GABRB1: variants seen among roughly 807,000 people sequenced by gnomAD.
GABRB1 encodes gamma-aminobutyric acid receptor subunit beta-1.
Under a neutral mutation model 51.6 loss-of-function variants are expected in GABRB1, and 17 were observed. The observed-to-expected ratio is 0.33, with a 90% confidence interval of 0.23 to 0.49. The LOEUF (loss-of-function observed/expected upper bound fraction) is 0.49, where lower values mean the gene tolerates loss of function less well. GABRB1 is among the 20% of genes least tolerant of loss of function. The pLI, the probability that GABRB1 is intolerant of heterozygous loss-of-function variation, is 0.99. For missense variants in GABRB1, 410 were observed against 600.6 expected, an observed-to-expected ratio of 0.68 and a Z score of 3.32; for synonymous variants, 247 against 218.9, an observed-to-expected ratio of 1.13 and a Z score of -1.14.
At chr4:47,054,301 TG>T (rs1726492613) in intron 3 of GABRB1, among the ~76,000 whole-genome samples, 2 of 152,168 alleles carry the variant, frequency 1.3e-5, no homozygotes, top group African/African-American at 4.8e-5. Context: ...GGTACTTCAG[TG>T]GAAAGAGCCC....
intron 5 of GABRB1, among the ~76,000 whole-genome samples, chr4:47,360,672 AT>A (rs770332174): frequency 2.0e-5 from 3 of 152,096 alleles, no homozygotes; most frequent in Non-Finnish European, 2.9e-5. Flanking sequence ...TAAAATCTCT[AT>A]TATTACAATG....
chr4:47,194,798 A>T (rs1258282932), intron 4 of GABRB1, among the ~76,000 whole-genome samples: 2 of 152,214 alleles, frequency 1.3e-5, no homozygotes, highest in African/African-American at 2.4e-5. Flanking sequence ...TCTTAAAAAA[A>T]CATAGTGTAC....
intron 5 of GABRB1, among the ~76,000 whole-genome samples, chr4:47,342,129 G>A (rs1560341923): frequency 6.6e-6 from 1 of 152,126 alleles, no homozygotes; most frequent in African/African-American, 2.4e-5. Flanking sequence ...TGTGAGGGGT[G>A]CAGAAAAGTT....
chr4:47,252,659 C>A (rs886634426), intron 4 of GABRB1, among the ~76,000 whole-genome samples: 1 of 151,850 alleles, frequency 6.6e-6, no homozygotes, highest in Non-Finnish European at 1.5e-5. Context: ...AGGCACCCAC[C>A]ACCATGCCTG....
chr4:47,080,780 T>G (rs937456690), intron 3 of GABRB1, among the ~76,000 whole-genome samples: 1 of 152,172 alleles, frequency 6.6e-6, no homozygotes, highest in Non-Finnish European at 1.5e-5. Flanking sequence ...AATGATCCTT[T>G]AGGTCTGCCA....
intron 3 of GABRB1, among the ~76,000 whole-genome samples, chr4:47,086,861 A>C (rs574882927): frequency 2.0e-4 from 31 of 152,264 alleles, no homozygotes; most frequent in South Asian, 4.1e-4. Context: ...GTACCTCAGT[A>C]CTGCTTCTGA....
chr4:47,354,112 C>T (rs1005904146), intron 5 of GABRB1, among the ~76,000 whole-genome samples: 1 of 152,140 alleles, frequency 6.6e-6, no homozygotes, highest in South Asian at 2.1e-4. Context: ...ACCCCTAGAA[C>T]CCTCAGGTCT....
At chr4:47,310,751 A>T (rs1194629138) in intron 4 of GABRB1, among the ~76,000 whole-genome samples, 1 of 152,198 alleles carries the variant, frequency 6.6e-6, no homozygotes, top group Admixed American at 6.5e-5. Flanking sequence ...TATAAATAAT[A>T]AATAATGCAC....
At chr4:47,123,506 TTA>T (rs1162410617) in intron 3 of GABRB1, among the ~76,000 whole-genome samples, 1 of 91,942 alleles carries the variant, frequency 1.1e-5, no homozygotes, top group African/African-American at 4.5e-5. Flanking sequence ...TTATAATATA[TTA>T]TATATTATAA....
chr4:47,060,723 T>C (rs1344094769), intron 3 of GABRB1, among the ~76,000 whole-genome samples: 1 of 152,158 alleles, frequency 6.6e-6, no homozygotes, highest in Non-Finnish European at 1.5e-5. Flanking sequence ...CTAATATTAA[T>C]GAATTCAGCA....
chr4:47,043,933 G>A (rs1029766596), intron 3 of GABRB1, among the ~76,000 whole-genome samples: 1 of 152,096 alleles, frequency 6.6e-6, no homozygotes, highest in African/African-American at 2.4e-5. Flanking sequence ...GAGAGAACAG[G>A]TTTGCTTATG....
chr4:47,298,348 C>T (rs1560321052), intron 4 of GABRB1, among the ~76,000 whole-genome samples: 2 of 151,698 alleles, frequency 1.3e-5, no homozygotes, highest in Non-Finnish European at 1.5e-5. Flanking sequence ...CCCATCATCT[C>T]AGCCCAAAAT....
intron 5 of GABRB1, among the ~76,000 whole-genome samples, chr4:47,328,970 T>C (rs573621065): frequency 4.3e-4 from 66 of 152,024 alleles, no homozygotes; most frequent in African/African-American, 1.5e-3. Flanking sequence ...TGGCCTAGCT[T>C]AGATATGGAA....
At chr4:47,046,342 TAATC>T (rs1726085385) in intron 3 of GABRB1, among the ~76,000 whole-genome samples, 1 of 152,158 alleles carries the variant, frequency 6.6e-6, no homozygotes, top group Non-Finnish European at 1.5e-5. Context: ...AGTTTGTAGA[TAATC>T]AAACAAACAA....
At position 47,322,856 on chromosome 4, in the gene GABRB1, C is replaced by T. The variant is rs190871659; in HGVS notation, c.544+2647C>T. The stretch of plus-strand genomic sequence containing the variant: ...TGCTGGCATGCACCTGTAGTACCAG[C>T]TACTCAGGAGGCTGAGACAGGAGAA... On this transcript the variant is annotated intron_variant, in intron 5 of 8. Transcript: ENST00000295454. 2.1e-3 allele frequency among the ~76,000 whole-genome samples: 312 copies of T among 152,192 alleles called. 1 individual carries two copies. Among genetic ancestry groups the T allele is most frequent in the Non-Finnish European group, 3.0e-3 (202 of 68,022 alleles).
intron 4 of GABRB1, among the ~76,000 whole-genome samples, chr4:47,164,942 C>T (rs1281306655): frequency 1.3e-5 from 2 of 152,002 alleles, no homozygotes; most frequent in African/African-American, 2.4e-5. Flanking sequence ...TGTGACAAAA[C>T]GTATTACACA....
intron 5 of GABRB1, among the ~76,000 whole-genome samples, chr4:47,326,711 C>T (rs922217596): frequency 3.3e-5 from 5 of 152,250 alleles, no homozygotes; most frequent in Middle Eastern, 6.8e-3. Context: ...CTTTTATGAA[C>T]CAGAAAGTGA....
At chr4:47,138,644 T>A (rs1716781452) in intron 3 of GABRB1, among the ~76,000 whole-genome samples, 1 of 152,060 alleles carries the variant, frequency 6.6e-6, no homozygotes, top group Non-Finnish European at 1.5e-5. Flanking sequence ...ACATCATAAT[T>A]TTGGTGCTGC....
rs563861822 is a variant in GABRB1, at chr4:47,207,695, A to G, written c.461+46226A>G. Among the ~76,000 whole-genome samples the G allele has an allele frequency of 3.2e-4, 46 of 143,150 alleles. No individual in the cohort carries two copies. In the South Asian group the frequency reaches 9.5e-3, roughly 30 times the overall value. The allele number at this position is 143,150 out of a possible 152,430, so 93.9% of individuals were successfully genotyped here. On this transcript the variant is annotated intron_variant, in intron 4 of 8. Transcript: ENST00000295454. ...TTATGAAAGGAGTCACAGGAGCCAT[A>G]TTCACCCTTGTTTAGAAGTGCCTTC...
Sources: allele counts gnomAD v4.1 joint callset (sites outside exome capture counted in the v4.1 genomes callset), GRCh38; gene constraint gnomAD v4.1.1; transcripts MANE v1.5; gene names NCBI Gene and HGNC (gene_info 2026-07-23, HGNC 2026-07-21).